NALCN: variants seen among roughly 807,000 people sequenced by gnomAD.
NALCN encodes sodium leak channel NALCN.
A neutral mutation model predicts 225.3 loss-of-function variants in NALCN; 111 were observed. The observed-to-expected ratio is 0.49, with a 90% CI of 0.42 to 0.58. The LOEUF (loss-of-function observed/expected upper bound fraction) is 0.58. Ranked by LOEUF, NALCN falls within the 20% of genes least tolerant of loss-of-function variation. The pLI, the probability that NALCN is intolerant of heterozygous loss-of-function variation, is 0.00. For missense variants in NALCN, 1,378 were observed against 2,202.4 expected, an observed-to-expected ratio of 0.63 and a Z score of 7.49; for synonymous variants, 764 against 769.0, an observed-to-expected ratio of 0.99 and a Z score of 0.11.
intron 1 of NALCN, among the ~76,000 whole-genome samples, chr13:101,403,577 C>T (rs964544272): frequency 1.3e-5 from 2 of 152,182 alleles, no homozygotes; most frequent in African/African-American, 2.4e-5. Flanking sequence ...GATAAACATA[C>T]AACTTGTATA....
At chr13:101,110,538 C>G in intron 20 of NALCN, 81 bp downstream of exon 20, 1 of 1,447,214 alleles carries the variant, frequency 6.9e-7, no homozygotes, top group Non-Finnish European at 9.7e-7. Context: ...AGCAGAAAGA[C>G]ACTGGGCATT....
chr13:101,240,170 A>G (rs971212178), intron 11 of NALCN, among the ~76,000 whole-genome samples: 9 of 152,082 alleles, frequency 5.9e-5, no homozygotes, highest in African/African-American at 2.2e-4. Context: ...ACATATGTCT[A>G]CAACTTTATG....
intron 1 of NALCN, among the ~76,000 whole-genome samples, chr13:101,415,056 G>A (rs1425273488): frequency 6.7e-6 from 1 of 148,354 alleles, no homozygotes; most frequent in South Asian, 2.1e-4. Context: ...GGGAAGCCAT[G>A]ATTTTTATTT....
intron 11 of NALCN, among the ~76,000 whole-genome samples, chr13:101,254,369 T>G (rs1264224603): frequency 2.5e-4 from 1 of 3,962 alleles, no homozygotes; most frequent in Non-Finnish European, 4.9e-4. Flanking sequence ...TGGGACTGTC[T>G]CAAAAAAAAA....
chr13:101,152,821 A>T (rs1251698353), intron 15 of NALCN, among the ~76,000 whole-genome samples: 3 of 152,110 alleles, frequency 2.0e-5, no homozygotes, highest in Non-Finnish European at 4.4e-5. Flanking sequence ...TCCATCAGAG[A>T]ATTTACTGAG....
At chr13:101,257,788 T>A (rs892508885) in intron 11 of NALCN, among the ~76,000 whole-genome samples, 6 of 152,098 alleles carry the variant, frequency 3.9e-5, no homozygotes, top group African/African-American at 1.4e-4. Flanking sequence ...TCTTGGAAAA[T>A]TATTAAAATG....
chr13:101,251,212 A>G (rs1030978417), intron 11 of NALCN, among the ~76,000 whole-genome samples: 1 of 152,144 alleles, frequency 6.6e-6, no homozygotes, highest in African/African-American at 2.4e-5. Flanking sequence ...TATTGTTTTC[A>G]ACAGCAAAAA....
chr13:101,241,663 G>A (rs111384780), intron 11 of NALCN, among the ~76,000 whole-genome samples: 4,289 of 152,004 alleles, frequency 0.028, 186 homozygotes, highest in African/African-American at 0.099. Context: ...GGTTGGTCTC[G>A]AACTCCTGAC....
intron 7 of NALCN, among the ~76,000 whole-genome samples, chr13:101,332,073 T>G (rs1302420690): frequency 6.6e-6 from 1 of 151,564 alleles, no homozygotes; most frequent in Non-Finnish European, 1.5e-5. Context: ...GTCAAGAAAA[T>G]AGAGGGAAGT....
intron 28 of NALCN, among the ~76,000 whole-genome samples, chr13:101,091,972 G>A (rs1363602522): frequency 2.6e-5 from 4 of 152,134 alleles, no homozygotes; most frequent in African/African-American, 2.4e-5. Context: ...TTTTAATCAT[G>A]TAAAGTGTTT....
chr13:101,073,126 G>T (rs897895727), intron 37 of NALCN, among the ~76,000 whole-genome samples: 4 of 152,288 alleles, frequency 2.6e-5, no homozygotes, highest in Non-Finnish European at 5.9e-5. Flanking sequence ...ACAGGATATA[G>T]TAAGAAGGAA....
At chr13:101,312,568 T>C (rs1172672195) in intron 7 of NALCN, among the ~76,000 whole-genome samples, 1 of 152,112 alleles carries the variant, frequency 6.6e-6, no homozygotes, top group Non-Finnish European at 1.5e-5. Context: ...GTGTCTTTGT[T>C]CTCGTTGGTT....
chr13:101,365,194 T>C (rs917919650), intron 6 of NALCN, among the ~76,000 whole-genome samples: 1 of 152,160 alleles, frequency 6.6e-6, no homozygotes, highest in African/African-American at 2.4e-5. Context: ...CTCACCTTCC[T>C]CTCATCCTCC....
chr13:101,406,414 C>T (rs2047626114), intron 1 of NALCN, among the ~76,000 whole-genome samples: 1 of 152,174 alleles, frequency 6.6e-6, no homozygotes. Flanking sequence ...GGCACAGAGA[C>T]AAGACGGGAC....
At chr13:101,301,651 G>A (rs2043972782) in intron 7 of NALCN, among the ~76,000 whole-genome samples, 1 of 150,394 alleles carries the variant, frequency 6.6e-6, no homozygotes, top group Non-Finnish European at 1.5e-5. Flanking sequence ...AACCTGGGAG[G>A]CAGAGGGTGC....
intron 13 of NALCN, among the ~76,000 whole-genome samples, chr13:101,222,441 C>T (rs2040977465): frequency 6.6e-6 from 1 of 152,262 alleles, no homozygotes; most frequent in Admixed American, 6.5e-5. Context: ...GACCAATACT[C>T]ATGCTCTGAT....
At chr13:101,353,739 A>C (rs1285338049) in intron 6 of NALCN, among the ~76,000 whole-genome samples, 13 of 152,176 alleles carry the variant, frequency 8.5e-5, no homozygotes, top group Non-Finnish European at 1.8e-4. Context: ...CCATTCCTGA[A>C]AGGGTTGGTA....
Position 101,369,950 on chromosome 13 carries a change from T to G in NALCN, c.644+6750A>C, listed in dbSNP as rs150423492. Among the ~76,000 whole-genome samples the G allele has an allele frequency of 3.5e-3, 531 of 152,344 alleles. 12 individuals are homozygous for G. The highest frequency in any genetic ancestry group is 0.032 in the Admixed American group (487 of 15,282). On this transcript the variant is annotated intron_variant, in intron 6 of 43. Coordinates refer to ENST00000251127, the MANE Select transcript of NALCN (RefSeq NM_052867.4). ...TTCTGCTTAAACTTTGTTTTTCTAT[T>G]TTTTAGCCATTTCTCCTTTCCTGCT...
chr13:101,065,551 G>A lies in NALCN; in HGVS notation c.4457C>T (p.Pro1486Leu), dbSNP rs774852653. Residue 1486 changes from proline to leucine, a missense_variant, in exon 40 of 44, where the codon CCC becomes CTC. Around this residue, in one of 19 missense-constraint regions of NALCN, gnomAD observed 94 missense variants for 170.3 expected, o/e 0.55. Coordinates refer to ENST00000251127, the MANE Select transcript of NALCN (RefSeq NM_052867.4). ...MVDDKREGVI[P>L]TFRVKFLLRL... is the part of the protein sequence containing the mutation. ...CAGCAGGAACTTGACGCGGAACGTGGGGATCACCCCCTGCGGGGCAGAGCA... is the reference window on the plus strand; with the variant it reads ...CAGCAGGAACTTGACGCGGAACGTGAGGATCACCCCCTGCGGGGCAGAGCA... 2 of 1,614,000 alleles carry A rather than the reference G, an allele frequency of 1.2e-6. No homozygotes were observed. The highest frequency in any genetic ancestry group is 3.3e-5 in the Admixed American group (2 of 60,030).
Sources: gnomAD v4.1 joint callset for allele counts (sites outside exome capture counted in the v4.1 genomes callset) on GRCh38, gnomAD v4.1.1 for gene constraint, gnomAD v4.1.1 regional missense constraint, MANE v1.5 for transcripts, NCBI Gene and HGNC (gene_info 2026-07-23, HGNC 2026-07-21) for gene names.